The following PZP variants were observed in gnomAD, a reference collection of about 807,000 sequenced individuals.
PZP encodes the protein PZP alpha-2-macroglobulin like, also known as pregnancy zone protein.
A neutral mutation model predicts 179.8 loss-of-function variants in PZP; 150 were observed. That is an observed-to-expected ratio of 0.83 (90% CI 0.73 to 0.96). PZP has a LOEUF of 0.96. Among genes scored for constraint, PZP ranks in the 40% least tolerant of loss-of-function variants. PZP has a pLI of 0.00. For synonymous variants in PZP, 624 were observed against 652.3 expected, an observed-to-expected ratio of 0.96 and a Z score of 0.66; for missense variants, 1,689 against 1,764.0, an observed-to-expected ratio of 0.96 and a Z score of 0.76.
At chr12:9,146,774 GT>G (rs1281338392), downstream of PZP, among the ~76,000 whole-genome samples, 1 of 152,140 alleles carries the variant, frequency 6.6e-6, no homozygotes, top group Non-Finnish European at 1.5e-5. Flanking sequence ...GGGAGTTATA[GT>G]GTTCACCACT....
chr12:9,137,304 A>G, the PZP span, among the ~76,000 whole-genome samples: 2 of 152,064 alleles, frequency 1.3e-5, no homozygotes, highest in African/African-American at 4.8e-5. Flanking sequence ...CCCCTAGTGT[A>G]TTCTTGGTAC....
chr12:9,203,411 G>C (rs931895920), intron 2 of PZP, among the ~76,000 whole-genome samples: 5 of 144,562 alleles, frequency 3.5e-5, no homozygotes, highest in Non-Finnish European at 6.0e-5. Flanking sequence ...GGGCGATCTC[G>C]GCTCACTGCA....
In PZP at chr12:9,197,020, T is replaced by C. The variant is rs781433904; in HGVS notation, c.859A>G (p.Ser287Gly). 1 of 1,608,656 alleles carries C rather than the reference T, an allele frequency of 6.2e-7. No homozygotes were observed. Among genetic ancestry groups the C allele is most frequent in the Non-Finnish European group, 8.5e-7 (1 of 1,175,246 alleles). Residue 287 changes from serine (S) to glycine (G), a missense_variant, in exon 8 of 36, where the codon AGT becomes GGT. Physicochemically the swap from Ser to Gly is moderately conservative, Grantham distance 56. Transcript: ENST00000261336. The part of the protein sequence containing the change: ...CDKQEVCEEF[S>G]QQLNSNGCIT... ...GAATACCGCCTACTAACCTGTTGAC[T>C]GAATTCCTCACAGACCTCCTGCTTG...
At chr12:9,154,887 T>A (rs1478997152) in intron 28 of PZP, 48 bp from the exon 29 acceptor site, 1 of 1,512,510 alleles carries the variant, frequency 6.6e-7, no homozygotes, top group Non-Finnish European at 9.1e-7. Context: ...AATAAGTAAT[T>A]ATAACTGGTA....
chr12:9,161,246 G>A (rs780741188), intron 22 of PZP, 130 bp from the exon 23 acceptor site: 17 of 687,156 alleles, frequency 2.5e-5, no homozygotes, highest in Non-Finnish European at 3.5e-5. Context: ...TGTGACCTTG[G>A]GTAAATTGTG....
At chr12:9,193,454 A>G (rs1375996394) in intron 11 of PZP, among the ~76,000 whole-genome samples, 2 of 152,200 alleles carry the variant, frequency 1.3e-5, no homozygotes, top group Middle Eastern at 3.2e-3. Flanking sequence ...GAAAATAGGA[A>G]ATTTTAAAGT....
intron 7 of PZP, among the ~76,000 whole-genome samples, chr12:9,197,924 T>C (rs1278935004): frequency 7.7e-6 from 1 of 129,496 alleles, no homozygotes; most frequent in Non-Finnish European, 1.6e-5. Context: ...ATATATTATA[T>C]AAGTTATCTA....
chr12:9,196,424 G>A lies in PZP; in HGVS notation c.998C>T (p.Ala333Val). Reference sequence around the variant, plus strand: ...GTTTGTGATTTCACTGATCCTGTTTGCAGTGACTTCCAGGTCTGAAAAATA... The same window carrying A: ...GTTTGTGATTTCACTGATCCTGTTTACAGTGACTTCCAGGTCTGAAAAATA... ...REEGTDLEVT[A>V]NRISEITNIV... Residue 333 changes from alanine to valine, a missense_variant, in exon 10 of 36, where the codon GCA (alanine) becomes GTA (valine). Physicochemically the swap from Ala to Val is moderately conservative, Grantham distance 64. Around this residue, in one of 3 missense-constraint regions of PZP, gnomAD observed 742 missense variants for 730.5 expected, o/e 1.02. Transcript: ENST00000261336. 1.2e-6 allele frequency: 2 copies of A among 1,611,932 alleles called. No homozygotes were observed. Among genetic ancestry groups the A allele is most frequent in the Non-Finnish European group, 1.7e-6 (2 of 1,178,102 alleles).
intron 20 of PZP, 131 bp downstream of exon 20, chr12:9,164,002 A>C: frequency 7.6e-7 from 1 of 1,319,374 alleles, no homozygotes; most frequent in Admixed American, 2.3e-5. Flanking sequence ...CATAGTGGAT[A>C]GAAATAGGAA....
At position 9,164,173 on chromosome 12, in the gene PZP, C is replaced by T. The variant is rs1941417353; in HGVS notation, c.2574G>A (p.Glu858=). The change falls in exon 20 of 36, where the codon GAG becomes GAA. Residue 858 remains glutamate (E), a synonymous_variant. Transcript: ENST00000261336. ...GEESYCICGN[E]RQTLSWTVTP... ...TCACTGTCCAAGACAAGGTTTGTCT[C>T]TCATTTCCACAGATACAATAGGATT... 6.2e-7 allele frequency: 1 copy of T among 1,611,582 alleles called. No homozygotes were observed. The highest frequency in any genetic ancestry group is 8.5e-7 in the Non-Finnish European group (1 of 1,177,668).
At chr12:9,169,087 C>T (rs751506982) in intron 16 of PZP, 113 bp from the exon 17 acceptor site, 42 of 698,212 alleles carry the variant, frequency 6.0e-5, no homozygotes, top group African/African-American at 3.6e-4. Flanking sequence ...AATTCTATGG[C>T]GAAACACTTG....
At chr12:9,197,412 TTTAA>T (rs1329563798) in intron 7 of PZP, among the ~76,000 whole-genome samples, 1 of 141,382 alleles carries the variant, frequency 7.1e-6, no homozygotes, top group Non-Finnish European at 1.5e-5. Context: ...TATTTTAATG[TTTAA>T]TTAAAATAAT....
At chr12:9,203,708 C>T in intron 2 of PZP, 60 bp downstream of exon 2, 2 of 1,570,624 alleles carry the variant, frequency 1.3e-6, no homozygotes, top group Non-Finnish European at 1.7e-6. Context: ...ATCACCATGA[C>T]CTATAGAGCT....
intron 18 of PZP, 41 bp from the exon 19 acceptor site, chr12:9,165,408 A>C (rs1941513334): frequency 6.2e-7 from 1 of 1,606,024 alleles, no homozygotes; most frequent in African/African-American, 1.3e-5. Context: ...TAATGAATGT[A>C]AGCCACCTTT....
intron 1 of PZP, among the ~76,000 whole-genome samples, chr12:9,205,119 G>A (rs917106169): frequency 1.3e-5 from 2 of 152,060 alleles, no homozygotes; most frequent in African/African-American, 4.8e-5. Context: ...AAGTTTATAT[G>A]AGTACTAAAA....
chr12:9,186,231 A>T (rs151111507), intron 13 of PZP, among the ~76,000 whole-genome samples: 73 of 152,316 alleles, frequency 4.8e-4, no homozygotes, highest in Non-Finnish European at 4.4e-4. Flanking sequence ...TTACCACCAG[A>T]TCCAACTTGC....
Position 9,199,414 on chromosome 12 carries a change from A to G in PZP, c.755+950T>C, listed in dbSNP as rs751440389. Among the ~76,000 whole-genome samples the G allele has an allele frequency of 2.1e-3, 318 of 152,274 alleles. 1 individual carries two copies. The highest frequency in any genetic ancestry group is 7.3e-3 in the African/African-American group (303 of 41,550). Reference sequence around the variant, plus strand: ...GAAAGTGAAATTTCCTGGAGTGGAAATTTCTGGGGGAGAGATTATTTCAGG... The same window carrying G: ...GAAAGTGAAATTTCCTGGAGTGGAAGTTTCTGGGGGAGAGATTATTTCAGG... On this transcript the variant is annotated intron_variant, in intron 7 of 35. Coordinates refer to ENST00000261336, the MANE Select transcript of PZP (RefSeq NM_002864.3).
chr12:9,169,385 C>G, intron 16 of PZP, 45 bp downstream of exon 16: 1 of 1,485,524 alleles, frequency 6.7e-7, no homozygotes, highest in Non-Finnish European at 9.1e-7. Flanking sequence ...TATTAACATT[C>G]AAAAACTCAC....
chr12:9,195,554 C>T (rs1943722679), intron 10 of PZP, among the ~76,000 whole-genome samples: 1 of 151,732 alleles, frequency 6.6e-6, no homozygotes, highest in Non-Finnish European at 1.5e-5. Flanking sequence ...AGGGATCCTC[C>T]CACCTCAGCT....
Sources: allele counts gnomAD v4.1 joint callset (sites outside exome capture counted in the v4.1 genomes callset), GRCh38; gene constraint gnomAD v4.1.1; regional missense constraint gnomAD v4.1.1; transcripts MANE v1.5; gene names NCBI Gene and HGNC (gene_info 2026-07-23, HGNC 2026-07-21).